SPATC1L: variants seen among roughly 807,000 people sequenced by gnomAD.
SPATC1L encodes speriolin-like protein.
SPATC1L carries 20 observed loss-of-function variants against 21.2 expected under a neutral mutation model. The observed-to-expected ratio is 0.94, with a 90% CI of 0.66 to 1.37. SPATC1L has a LOEUF of 1.37. Ranked by LOEUF, SPATC1L falls within the 40% of genes most tolerant of loss-of-function variation. The pLI is 0.00. For synonymous variants in SPATC1L, 290 were observed against 234.5 expected, an observed-to-expected ratio of 1.24 and a Z score of -2.16; for missense variants, 499 against 478.7, an observed-to-expected ratio of 1.04 and a Z score of -0.40.
At chr21:46,174,187 G>C (rs989210405) in intron 2 of SPATC1L, among the ~76,000 whole-genome samples, 2 of 152,054 alleles carry the variant, frequency 1.3e-5, no homozygotes, top group Non-Finnish European at 2.9e-5. Context: ...AAATTAGCCA[G>C]GCATGGTGTT....
intron 2 of SPATC1L, among the ~76,000 whole-genome samples, chr21:46,181,969 A>G (rs192044969): frequency 2.3e-4 from 35 of 152,324 alleles, no homozygotes; most frequent in Non-Finnish European, 4.3e-4. Flanking sequence ...GCAGAAAGTG[A>G]CCAAACCCTA....
chr21:46,181,291 T>A (rs1313247811), intron 2 of SPATC1L, among the ~76,000 whole-genome samples: 1 of 152,108 alleles, frequency 6.6e-6, no homozygotes, highest in Admixed American at 6.5e-5. Context: ...TGGCCGCTGA[T>A]GGAGACGCAG....
rs1269213098 is a variant in SPATC1L at position 46,161,540 on chromosome 21, G to A, written c.862C>T (p.Arg288Trp). The A allele has an allele frequency of 2.0e-5, 33 of 1,610,116 alleles. No homozygotes were observed. The highest frequency in any genetic ancestry group is 2.5e-5 in the Non-Finnish European group (29 of 1,178,882). Residue 288 changes from arginine to tryptophan, a missense_variant, in exon 5 of 5, where the codon CGG (arginine) becomes TGG (tryptophan). Coordinates refer to ENST00000291672, the MANE Select transcript of SPATC1L (RefSeq NM_001142854.2). The part of the protein sequence containing the change: ...LINTYGILKQ[R>W]PDLRANPLHS... ...AGGGGGTTGGCGCGCAGGTCGGGCC[G>A]CTGCTTCAGGATTCCGTAGGTGTTG...
rs113781247 is a variant in SPATC1L, at chr21:46,161,270, G to A, written c.*109C>T. The A allele has an allele frequency of 1.2e-5, 13 of 1,112,882 alleles. No homozygotes were observed. Among genetic ancestry groups the A allele is most frequent in the African/African-American group, 1.0e-4 (6 of 59,998 alleles). The allele number at this position is 1,112,882 out of a possible 1,614,324, so 68.9% of individuals were successfully genotyped here. On this transcript the variant is annotated 3_prime_UTR_variant, in exon 5 of 5. Transcript: ENST00000291672. ...GGAGCGGGGCCTTCTCTGGCCTCGC[G>A]CGCGGGGGACGCGGCCCTTTCCCCT... is the stretch of plus-strand genomic sequence containing the variant.
chr21:46,176,461 A>G (rs551078617), intron 2 of SPATC1L, among the ~76,000 whole-genome samples: 9 of 152,304 alleles, frequency 5.9e-5, no homozygotes, highest in African/African-American at 1.9e-4. Context: ...TGTGCAAAAA[A>G]CACTAACATT....
At position 46,183,044 on chromosome 21, in the gene SPATC1L, G is replaced by A; in HGVS notation, c.-228C>T. The A allele has an allele frequency of 2.0e-6, 1 of 507,894 alleles. No individual in the cohort carries two copies. Among genetic ancestry groups the A allele is most frequent in the Non-Finnish European group, 3.4e-6 (1 of 292,126 alleles). 31.5% of individuals were successfully genotyped at this position (507,894 alleles called of 1,614,324 possible). On this transcript the variant is annotated 5_prime_UTR_variant, in exon 2 of 5. Transcript: ENST00000291672. Reference sequence around the variant, plus strand: ...CAGTGAAGCTGGAGGCCCGTGGCGTGCACAGGCAGCCACTCCCACATTATG... The same window carrying A: ...CAGTGAAGCTGGAGGCCCGTGGCGTACACAGGCAGCCACTCCCACATTATG...
Position 46,162,027 on chromosome 21 carries a change from C to A in SPATC1L, c.585G>T (p.Val195=), listed in dbSNP as rs1170773126. The A allele has an allele frequency of 1.9e-6, 3 of 1,594,474 alleles. No homozygotes were observed. The highest frequency in any genetic ancestry group is 2.6e-6 in the Non-Finnish European group (3 of 1,172,900). ...CCAGCTGGAAGGCGATCTCGCCCAC[C>A]ACGCGCGCGTCCTTCTCGGCGCCCG... The part of the protein sequence containing the change: ...SFAGAEKDAR[V]VGEIAFQLDR... Residue 195 remains valine (V), a synonymous_variant, in exon 4 of 5, where the codon GTG becomes GTT. Transcript: ENST00000291672.
chr21:46,162,958 C>G (rs1157043300), intron 3 of SPATC1L, among the ~76,000 whole-genome samples: 1 of 151,854 alleles, frequency 6.6e-6, no homozygotes, highest in Non-Finnish European at 1.5e-5. Context: ...AACCTGCTTC[C>G]GAACCCCCCT....
At chr21:46,162,126 G>A (rs1252451441) in intron 3 of SPATC1L, 59 bp from the exon 4 acceptor site, 53 of 1,483,366 alleles carry the variant, frequency 3.6e-5, no homozygotes, top group Non-Finnish European at 4.7e-5. Flanking sequence ...CTGCCCTCGA[G>A]GGTGCCCTCG....
intron 3 of SPATC1L, among the ~76,000 whole-genome samples, chr21:46,165,134 C>G (rs2079531341): frequency 6.6e-6 from 1 of 152,140 alleles, no homozygotes; most frequent in Admixed American, 6.5e-5. Flanking sequence ...ATTTGACAAC[C>G]TAGATGAAAT....
In SPATC1L at chr21:46,168,485, G is replaced by A. The variant is rs1225839475; in HGVS notation, c.367C>T (p.Pro123Ser). 1 of 1,570,996 alleles carries A rather than the reference G, an allele frequency of 6.4e-7. No individual in the cohort carries two copies. Reference protein sequence around the residue: ...PFKAFLSPPEPHSHRGTDRKL... With the variant: ...PFKAFLSPPESHSHRGTDRKL... ...CTGTCGGTGCCTCGGTGGCTATGTG[G>A]CTCTGGGGGACTGAGGAAGGCCTTG... The change falls in exon 3 of 5, where the codon CCA becomes TCA. Residue 123 changes from proline (P) to serine (S), a missense_variant. Pro to Ser is a moderately conservative substitution (Grantham distance 74, BLOSUM62 -1). Coordinates refer to ENST00000291672, the MANE Select transcript of SPATC1L (RefSeq NM_001142854.2).
chr21:46,162,098 G>A, intron 3 of SPATC1L, 31 bp from the exon 4 acceptor site: 1 of 1,538,164 alleles, frequency 6.5e-7, no homozygotes, highest in Non-Finnish European at 8.8e-7. Context: ...GACAAGGTCA[G>A]GGGAGCGCGA....
At position 46,161,591 on chromosome 21, in the gene SPATC1L, G is replaced by A; in HGVS notation, c.811C>T (p.His271Tyr). 5 of 1,610,252 alleles carry A rather than the reference G, an allele frequency of 3.1e-6. No individual in the cohort carries two copies. Among genetic ancestry groups the A allele is most frequent in the East Asian group, 2.2e-5 (1 of 44,802 alleles). ...LEKLGYSRDV[H>Y]PAFSEFLINT... The stretch of plus-strand genomic sequence containing the variant: ...ATGAGGAACTCGCTGAACGCCGGGT[G>A]CACGTCGCGGCTGTAGCCCAGCTTC... The change falls in exon 5 of 5, where the codon CAC (histidine) becomes TAC (tyrosine). Residue 271 changes from histidine (H) to tyrosine (Y), a missense_variant. Transcript: ENST00000291672.
intron 2 of SPATC1L, among the ~76,000 whole-genome samples, chr21:46,180,224 G>A (rs919927970): frequency 6.6e-6 from 1 of 152,224 alleles, no homozygotes; most frequent in Non-Finnish European, 1.5e-5. Flanking sequence ...CTGCAGATAA[G>A]GACTGGTGGG....
At position 46,161,311 on chromosome 21, in the gene SPATC1L, G is replaced by A. The variant is rs1037263876; in HGVS notation, c.*68C>T. 2.9e-6 allele frequency: 4 copies of A among 1,393,002 alleles called. No individual in the cohort carries two copies. The highest frequency in any genetic ancestry group is 3.0e-5 in the South Asian group (2 of 66,518). The allele number at this position is 1,393,002 out of a possible 1,614,324, so 86.3% of individuals were successfully genotyped here. On this transcript the variant is annotated 3_prime_UTR_variant, in exon 5 of 5. Coordinates refer to ENST00000291672, the MANE Select transcript of SPATC1L (RefSeq NM_001142854.2). ...CCTTTCCCCTCCGGGGGGACGCGCA[G>A]GAGGCACCGCGGCCCCGGGTTGGAA...
Position 46,168,522 on chromosome 21 carries a change from G to A in SPATC1L, c.330C>T (p.Ser110=), listed in dbSNP as rs2079557841. ...DDTSPGCAAP[S]QAPFKAFLSP... ...TGAGGAAGGCCTTGAAGGGTGCCTG[G>A]GAGGGGGCTGCACAGCCCGGGGAGG... The change falls in exon 3 of 5, where the codon TCC becomes TCT. Residue 110 remains serine (S), a synonymous_variant. Transcript: ENST00000291672. The A allele has an allele frequency of 1.3e-6, 2 of 1,541,252 alleles. No individual in the cohort carries two copies.
chr21:46,169,637 G>C (rs796291552), intron 2 of SPATC1L, among the ~76,000 whole-genome samples: 6,260 of 49,766 alleles, frequency 0.13, no homozygotes, highest in Non-Finnish European at 0.17. Context: ...CCCCTGCTCT[G>C]TGAGCATCCT....
At position 46,182,824 on chromosome 21, in the gene SPATC1L, G is replaced by A. The variant is rs753098996; in HGVS notation, c.-8C>T. 6.6e-7 allele frequency: 1 copy of A among 1,524,508 alleles called. No individual in the cohort carries two copies. The allele number at this position is 1,524,508 out of a possible 1,614,324, so 94.4% of individuals were successfully genotyped here. A position where few individuals can be genotyped will look rare whatever the true frequency, so the allele number is the denominator to read the frequency against. ...CTCGCCGCCTTCAGCCATGGCGGGTGCGTCCCTCCTTGTCCCTCACGGCTC... is the reference window on the plus strand; with the variant it reads ...CTCGCCGCCTTCAGCCATGGCGGGTACGTCCCTCCTTGTCCCTCACGGCTC... On this transcript the variant is annotated 5_prime_UTR_variant, in exon 2 of 5. Transcript: ENST00000291672.
intron 2 of SPATC1L, among the ~76,000 whole-genome samples, chr21:46,170,792 A>G (rs2079582051): frequency 9.0e-6 from 1 of 111,630 alleles, no homozygotes. Context: ...GATGGGGAGG[A>G]GCCCTCTGCT....
Sources: allele counts gnomAD v4.1 joint callset (sites outside exome capture counted in the v4.1 genomes callset), GRCh38; gene constraint gnomAD v4.1.1; transcripts MANE v1.5; gene names NCBI Gene and HGNC (gene_info 2026-07-23, HGNC 2026-07-21).